RAB3GAP1: variants seen among roughly 807,000 people sequenced by gnomAD.
RAB3GAP1 encodes the protein rab3 GTPase-activating protein catalytic subunit.
A neutral mutation model predicts 130.7 loss-of-function variants in RAB3GAP1; 86 were observed. The ratio of observed to expected loss-of-function variants is 0.66; its 90% CI spans 0.55 to 0.79. RAB3GAP1 has a LOEUF of 0.79. Ranked by LOEUF, RAB3GAP1 falls within the 30% of genes least tolerant of loss-of-function variation. The pLI, the probability that RAB3GAP1 is intolerant of heterozygous loss-of-function variation, is 0.00. For synonymous variants in RAB3GAP1, 367 were observed against 401.7 expected (o/e 0.91, Z 1.03); for missense variants, 1,029 against 1,169.4 (o/e 0.88, Z 1.75).
chr2:135,071,680 G>A (rs1689475855), intron 3 of RAB3GAP1, among the ~76,000 whole-genome samples: 2 of 152,194 alleles, frequency 1.3e-5, no homozygotes, highest in South Asian at 4.1e-4. Flanking sequence ...TGTTCCTGGG[G>A]CTACATGCTC....
At chr2:135,102,338 A>G (rs1690470613) in intron 5 of RAB3GAP1, among the ~76,000 whole-genome samples, 1 of 152,234 alleles carries the variant, frequency 6.6e-6, no homozygotes, top group African/African-American at 2.4e-5. Flanking sequence ...TCCCGAAGGG[A>G]CACAGCCTTG....
At position 135,115,355 on chromosome 2, in the gene RAB3GAP1, C is replaced by G; in HGVS notation, c.622C>G (p.Leu208Val). The G allele has an allele frequency of 1.9e-6, 3 of 1,612,466 alleles. No homozygotes were observed. The highest frequency in any genetic ancestry group is 2.5e-6 in the Non-Finnish European group (3 of 1,178,632). ...VPNQYTHLSG[L>V]LDIFKSKIGC... ...AAATCAGTACACTCACTTATCAGGT[C>G]TGCTGGATATCTTCAAATCAAAGAT... Residue 208 changes from leucine to valine, a missense_variant, in exon 7 of 24, where the codon CTG becomes GTG. Physicochemically the swap from Leu to Val is conservative, Grantham distance 32 (BLOSUM62 1). This residue lies in a region of RAB3GAP1 where 510 missense variants were observed against 532.1 expected (regional missense o/e 0.96). Coordinates refer to ENST00000264158, the MANE Select transcript of RAB3GAP1 (RefSeq NM_012233.3).
At chr2:135,159,181 T>C (rs1692398954) in intron 19 of RAB3GAP1, among the ~76,000 whole-genome samples, 1 of 152,202 alleles carries the variant, frequency 6.6e-6, no homozygotes. Context: ...TGTGCAGAAT[T>C]CTAAATGTAT....
Position 135,058,106 on chromosome 2 carries a change from GTC to G in RAB3GAP1, c.150+24_150+25del. On this transcript the variant is annotated intron_variant, in intron 3 of 23. Transcript: ENST00000264158. The stretch of plus-strand genomic sequence containing the variant: ...GAAAAGGTCAGATCTATTTGCTGGT[GTC>G]TCTAAATGACTATTTACTTTGAAAC... 3 of 1,577,022 alleles carry G rather than the reference GTC, an allele frequency of 1.9e-6. No homozygotes were observed. Among genetic ancestry groups the G allele is most frequent in the Non-Finnish European group, 2.6e-6 (3 of 1,146,636 alleles).
chr2:135,150,259 T>C (rs1390169375), intron 17 of RAB3GAP1, 110 bp from the exon 18 acceptor site: 1 of 1,296,284 alleles, frequency 7.7e-7, no homozygotes, highest in Non-Finnish European at 1.1e-6. Flanking sequence ...TTAAAAATAC[T>C]CATCTTGTGA....
intron 14 of RAB3GAP1, 46 bp downstream of exon 14, chr2:135,133,030 A>G: frequency 9.0e-7 from 1 of 1,106,794 alleles, no homozygotes; most frequent in Non-Finnish European, 1.4e-6. Context: ...AAATGCACTG[A>G]ATTTCTAGAG....
chr2:135,092,546 C>T (rs1430526733), intron 4 of RAB3GAP1, among the ~76,000 whole-genome samples: 9 of 152,224 alleles, frequency 5.9e-5, no homozygotes, highest in Admixed American at 1.3e-4. Context: ...AAGCAAATCT[C>T]CTGCCTCAGC....
chr2:135,148,844 C>T (rs1692082854), intron 17 of RAB3GAP1, among the ~76,000 whole-genome samples: 1 of 151,860 alleles, frequency 6.6e-6, no homozygotes, highest in African/African-American at 2.4e-5. Flanking sequence ...CAGCATTAAA[C>T]TGATGTCCTA....
chr2:135,117,480 TCTG>T (rs1558784147), intron 7 of RAB3GAP1, among the ~76,000 whole-genome samples: 123 of 136,966 alleles, frequency 9.0e-4, no homozygotes, highest in African/African-American at 2.6e-3. Context: ...TTCTGCTTCT[TCTG>T]CTTCTTCTTC....
At chr2:135,100,354 G>A (rs1457068446) in intron 5 of RAB3GAP1, among the ~76,000 whole-genome samples, 1 of 152,218 alleles carries the variant, frequency 6.6e-6, no homozygotes, top group Admixed American at 6.5e-5. Context: ...CCAGCTGTTA[G>A]GGCCTATAGC....
intron 8 of RAB3GAP1, 60 bp from the exon 9 acceptor site, chr2:135,124,105 A>C: frequency 6.7e-7 from 1 of 1,484,506 alleles, no homozygotes; most frequent in Non-Finnish European, 9.4e-7. Flanking sequence ...AAAGGGCTTA[A>C]CTAGATTAGA....
intron 5 of RAB3GAP1, among the ~76,000 whole-genome samples, chr2:135,098,806 T>G (rs946204376): frequency 7.9e-5 from 12 of 152,228 alleles, no homozygotes; most frequent in Non-Finnish European, 1.8e-4. Flanking sequence ...GTAATGATAT[T>G]ATTTAAAAAA....
Position 135,149,997 on chromosome 2 carries a change from C to G in RAB3GAP1, c.1924-372C>G, listed in dbSNP as rs952146667. Among the ~76,000 whole-genome samples, 41 of 152,246 alleles carry G rather than the reference C, an allele frequency of 2.7e-4. 1 individual carries two copies. The highest frequency in any genetic ancestry group is 2.3e-3 in the Admixed American group (35 of 15,284). Reference sequence around the variant, plus strand: ...TTTCTATATCAAACCATTTCTATTACTTATAATTAAAATTTTGTTGCAGCT... The same window carrying G: ...TTTCTATATCAAACCATTTCTATTAGTTATAATTAAAATTTTGTTGCAGCT... On this transcript the variant is annotated intron_variant, in intron 17 of 23. Coordinates refer to ENST00000264158, the MANE Select transcript of RAB3GAP1 (RefSeq NM_012233.3).
intron 2 of RAB3GAP1, among the ~76,000 whole-genome samples, chr2:135,056,414 C>T (rs190519870): frequency 6.6e-6 from 1 of 152,088 alleles, no homozygotes; most frequent in African/African-American, 2.4e-5. Flanking sequence ...CCATCTTGGA[C>T]AAACTGGTCT....
chr2:135,109,013 T>C (rs1690713527), intron 5 of RAB3GAP1, among the ~76,000 whole-genome samples: 1 of 152,240 alleles, frequency 6.6e-6, no homozygotes, highest in Non-Finnish European at 1.5e-5. Flanking sequence ...TTTTAGGCTG[T>C]CTATTCTGTT....
chr2:135,135,154 GT>G, intron 15 of RAB3GAP1, 110 bp from the exon 16 acceptor site: 1 of 870,352 alleles, frequency 1.1e-6, no homozygotes, highest in East Asian at 2.6e-5. Flanking sequence ...TGGAAATCTA[GT>G]TTTGATTTCT....
chr2:135,117,777 G>GCTTCTT, intron 7 of RAB3GAP1, among the ~76,000 whole-genome samples: 1 of 67,550 alleles, frequency 1.5e-5, no homozygotes, highest in East Asian at 3.4e-4. Flanking sequence ...TGCTTCTTCT[G>GCTTCTT]CTTCTTCTGC....
intron 6 of RAB3GAP1, among the ~76,000 whole-genome samples, 194 bp downstream of exon 6, chr2:135,113,464 G>A (rs1261306444): frequency 2.0e-5 from 3 of 152,100 alleles, no homozygotes; most frequent in South Asian, 2.1e-4. Flanking sequence ...AACTTATTCC[G>A]TGTACAAACT....
intron 17 of RAB3GAP1, among the ~76,000 whole-genome samples, chr2:135,148,516 G>A (rs1439574101): frequency 7.7e-6 from 1 of 129,710 alleles, no homozygotes; most frequent in African/African-American, 2.9e-5. Context: ...TTTTTTTGGT[G>A]ACGGGATTCT....
Sources: allele counts gnomAD v4.1 joint callset (sites outside exome capture counted in the v4.1 genomes callset), GRCh38; gene constraint gnomAD v4.1.1; regional missense constraint gnomAD v4.1.1; transcripts MANE v1.5; gene names NCBI Gene and HGNC (gene_info 2026-07-23, HGNC 2026-07-21).